Variants in SNTG1 observed in about 807,000 individuals in gnomAD.
SNTG1 encodes syntrophin gamma 1, also known as gamma-1-syntrophin.
SNTG1 carries 39 observed loss-of-function variants against 74.7 expected under a neutral mutation model. The ratio of observed to expected loss-of-function variants is 0.52; its 90% CI spans 0.40 to 0.68. The LOEUF (loss-of-function observed/expected upper bound fraction) is 0.68. SNTG1 is among the 30% of genes least tolerant of loss of function. SNTG1 has a pLI of 0.00. For synonymous variants in SNTG1, 254 were observed against 217.1 expected (o/e 1.17, Z -1.49); for missense variants, 685 against 609.5 (o/e 1.12, Z -1.30).
rs941603093 is a variant in SNTG1, at chr8:49,934,406, G to T, written c.-103+22175G>T. ...TAATATTATCATGTAGACTTTCTTT[G>T]AGAGAAAATATAATAGAATGGTATT... On this transcript the variant is annotated intron_variant, in intron 1 of 18. Coordinates refer to ENST00000642720, the MANE Select transcript of SNTG1 (RefSeq NM_018967.5). Among the ~76,000 whole-genome samples, 9 of 151,734 alleles carry T rather than the reference G, an allele frequency of 5.9e-5. 1 individual carries two copies. The highest frequency in any genetic ancestry group is 3.9e-4 in the Admixed American group (6 of 15,244).
chr8:50,743,270 A>G (rs2095547680), intron 17 of SNTG1, among the ~76,000 whole-genome samples: 1 of 151,948 alleles, frequency 6.6e-6, no homozygotes, highest in African/African-American at 2.4e-5. Flanking sequence ...ACTAGCAAAC[A>G]GAACTCAGCA....
chr8:50,460,042 G>A (rs775504341), intron 8 of SNTG1, among the ~76,000 whole-genome samples: 1 of 152,186 alleles, frequency 6.6e-6, no homozygotes, highest in Admixed American at 6.5e-5. Flanking sequence ...TGGGAATGCT[G>A]AGCCAAATGG....
chr8:50,236,651 C>T (rs989131611), intron 2 of SNTG1, among the ~76,000 whole-genome samples: 2 of 151,926 alleles, frequency 1.3e-5, no homozygotes, highest in Non-Finnish European at 2.9e-5. Context: ...GGGGTTTCAC[C>T]GTGTTAGCCA....
intron 17 of SNTG1, among the ~76,000 whole-genome samples, chr8:50,737,408 T>C (rs551045293): frequency 5.3e-5 from 8 of 151,798 alleles, no homozygotes; most frequent in African/African-American, 1.9e-4. Flanking sequence ...GAAATTGAGG[T>C]AGTAATTAAT....
intron 1 of SNTG1, among the ~76,000 whole-genome samples, chr8:49,931,777 C>A (rs1807618412): frequency 6.6e-6 from 1 of 151,948 alleles, no homozygotes; most frequent in African/African-American, 2.4e-5. Context: ...GTGAATACAA[C>A]AAGATACAAA....
chr8:50,194,099 T>C (rs1046559801), intron 2 of SNTG1, among the ~76,000 whole-genome samples: 1 of 152,118 alleles, frequency 6.6e-6, no homozygotes, highest in Admixed American at 6.6e-5. Flanking sequence ...TACTAGCAAA[T>C]ACATTCATCA....
chr8:50,585,685 T>C (rs918095458), intron 12 of SNTG1, among the ~76,000 whole-genome samples: 1 of 152,052 alleles, frequency 6.6e-6, no homozygotes, highest in Admixed American at 6.5e-5. Context: ...ACTAAAAATA[T>C]TTATTTTTTA....
rs903995154 is a variant in SNTG1 at position 50,434,749 on chromosome 8, C to A, written c.163-3794C>A. On this transcript the variant is annotated intron_variant, in intron 4 of 18. Coordinates refer to ENST00000642720, the MANE Select transcript of SNTG1 (RefSeq NM_018967.5). ...ATTTTTAATAATTAGAGGCCATCAT[C>A]CTCATTATTCCTTTTCCAACTTCAG... Among the ~76,000 whole-genome samples, 6 of 152,216 alleles carry A rather than the reference C, an allele frequency of 3.9e-5. No individual in the cohort carries two copies. The East Asian group carries it at 5.8e-4, about 15-fold the overall frequency.
At chr8:50,616,034 CAGG>C (rs987936421) in intron 13 of SNTG1, among the ~76,000 whole-genome samples, 2 of 152,162 alleles carry the variant, frequency 1.3e-5, no homozygotes, top group Non-Finnish European at 2.9e-5. Context: ...TCTTCTTCTC[CAGG>C]AGTTCTCAGT....
intron 2 of SNTG1, among the ~76,000 whole-genome samples, chr8:50,300,942 T>C (rs2089618260): frequency 1.3e-5 from 2 of 152,152 alleles, no homozygotes; most frequent in African/African-American, 4.8e-5. Flanking sequence ...GAGAGCTATA[T>C]TGTGGTCCCC....
At chr8:49,973,249 A>T (rs958963164) in intron 1 of SNTG1, among the ~76,000 whole-genome samples, 1 of 152,122 alleles carries the variant, frequency 6.6e-6, no homozygotes, top group African/African-American at 2.4e-5. Context: ...CATTCTCAGC[A>T]AACTATCACA....
intron 1 of SNTG1, among the ~76,000 whole-genome samples, chr8:50,042,927 T>G (rs184744128): frequency 2.6e-5 from 4 of 152,318 alleles, no homozygotes; most frequent in Admixed American, 1.3e-4. Flanking sequence ...ATTTAGCAAT[T>G]AAAGCAATGT....
intron 10 of SNTG1, among the ~76,000 whole-genome samples, chr8:50,533,352 A>G (rs1343135568): frequency 1.3e-5 from 2 of 152,232 alleles, no homozygotes; most frequent in African/African-American, 4.8e-5. Flanking sequence ...CTGTTCTGGT[A>G]AGATAGTTGT....
At chr8:50,223,229 C>T (rs1042465613) in intron 2 of SNTG1, among the ~76,000 whole-genome samples, 1 of 151,856 alleles carries the variant, frequency 6.6e-6, no homozygotes, top group African/African-American at 2.4e-5. Context: ...AATTAGATAT[C>T]GAGGAAAAGT....
chr8:50,557,963 C>A (rs960341750), intron 12 of SNTG1, among the ~76,000 whole-genome samples: 1 of 152,090 alleles, frequency 6.6e-6, no homozygotes, highest in Non-Finnish European at 1.5e-5. Context: ...ATCGGGATAT[C>A]GCCTCCTTCC....
chr8:50,229,901 G>A (rs190767267), intron 2 of SNTG1, among the ~76,000 whole-genome samples: 1 of 151,614 alleles, frequency 6.6e-6, no homozygotes, highest in East Asian at 1.9e-4. Context: ...CTTCAATAGA[G>A]TTATGCCAAA....
At chr8:49,991,234 C>CA (rs1245250970) in intron 1 of SNTG1, among the ~76,000 whole-genome samples, 1 of 152,064 alleles carries the variant, frequency 6.6e-6, no homozygotes, top group Non-Finnish European at 1.5e-5. Context: ...CAAAACCACA[C>CA]AATTAAATGG....
chr8:50,417,922 C>A (rs1037528695), intron 4 of SNTG1, among the ~76,000 whole-genome samples: 2 of 152,048 alleles, frequency 1.3e-5, no homozygotes, highest in Non-Finnish European at 2.9e-5. Flanking sequence ...AGACATCGTT[C>A]CAGCAATTTC....
intron 9 of SNTG1, among the ~76,000 whole-genome samples, chr8:50,503,924 T>C (rs1453180905): frequency 6.6e-6 from 1 of 152,204 alleles, no homozygotes; most frequent in Non-Finnish European, 1.5e-5. Context: ...TGGGGGTTCG[T>C]TGTACACAAA....
Sources: allele counts gnomAD v4.1 joint callset (sites outside exome capture counted in the v4.1 genomes callset), GRCh38; gene constraint gnomAD v4.1.1; transcripts MANE v1.5; gene names NCBI Gene and HGNC (gene_info 2026-07-23, HGNC 2026-07-21).